Variants in CNTN6 observed in about 807,000 individuals in gnomAD.
CNTN6 encodes contactin 6.
CNTN6 carries 137 observed loss-of-function variants against 122.8 expected under a neutral mutation model. The observed-to-expected ratio is 1.12, with a 90% CI of 0.97 to 1.29. The LOEUF is 1.29. Among genes scored for constraint, CNTN6 ranks in the 50% most tolerant of loss-of-function variants. The probability of loss-of-function intolerance (pLI) is 0.00; values close to 1 mark genes in which losing one functional copy is unlikely to be tolerated. For missense variants in CNTN6, 1,634 were observed against 1,223.4 expected (o/e 1.34, Z -5.01); for synonymous variants, 570 against 426.0 (o/e 1.34, Z -4.16).
intron 1 of CNTN6, among the ~76,000 whole-genome samples, chr3:1,126,521 A>G (rs1315800773): frequency 6.6e-6 from 1 of 151,846 alleles, no homozygotes; most frequent in Non-Finnish European, 1.5e-5. Context: ...CTTCATACTT[A>G]TCACAATCTT....
At chr3:1,390,177 A>G (rs1281436368) in intron 20 of CNTN6, among the ~76,000 whole-genome samples, 1 of 151,902 alleles carries the variant, frequency 6.6e-6, no homozygotes, top group Non-Finnish European at 1.5e-5. Flanking sequence ...TCTCCTCAGC[A>G]AATGTAAAAG....
chr3:1,265,708 G>C (rs2094916099), intron 4 of CNTN6, among the ~76,000 whole-genome samples: 2 of 152,062 alleles, frequency 1.3e-5, no homozygotes, highest in African/African-American at 4.8e-5. Flanking sequence ...GGCAAATGCA[G>C]TCAGACCACT....
chr3:1,158,087 T>C (rs2125226097), intron 2 of CNTN6, among the ~76,000 whole-genome samples: 1 of 152,338 alleles, frequency 6.6e-6, no homozygotes, highest in Admixed American at 6.5e-5. Context: ...ACTCTAGTTT[T>C]AGTTTTAGAG....
intron 4 of CNTN6, among the ~76,000 whole-genome samples, chr3:1,270,650 A>T (rs1435037307): frequency 6.6e-6 from 1 of 152,232 alleles, no homozygotes; most frequent in Non-Finnish European, 1.5e-5. Flanking sequence ...AAACTTCTTC[A>T]GAAGGATTCT....
At chr3:1,315,055 T>G (rs1699902581) in intron 7 of CNTN6, among the ~76,000 whole-genome samples, 1 of 151,982 alleles carries the variant, frequency 6.6e-6, no homozygotes, top group Admixed American at 6.6e-5. Context: ...AGGGAAATGT[T>G]GCCAGAAACG....
intron 1 of CNTN6, among the ~76,000 whole-genome samples, chr3:1,112,950 T>C (rs570472948): frequency 6.6e-6 from 1 of 152,250 alleles, no homozygotes; most frequent in South Asian, 2.1e-4. Flanking sequence ...ATGCATGCTA[T>C]TTATAGAATA....
chr3:1,240,084 G>A (rs964658337), intron 4 of CNTN6, among the ~76,000 whole-genome samples: 7 of 151,994 alleles, frequency 4.6e-5, no homozygotes, highest in Admixed American at 3.3e-4. Context: ...AAATAACATT[G>A]GAACAACACT....
intron 1 of CNTN6, among the ~76,000 whole-genome samples, chr3:1,145,445 C>T (rs2092704147): frequency 6.6e-6 from 1 of 151,252 alleles, no homozygotes; most frequent in African/African-American, 2.4e-5. Context: ...GATGGTTCCT[C>T]AAAAGAAAGT....
At chr3:1,245,004 G>A (rs1426171845) in intron 4 of CNTN6, among the ~76,000 whole-genome samples, 1 of 149,584 alleles carries the variant, frequency 6.7e-6, no homozygotes, top group African/African-American at 2.5e-5. Flanking sequence ...TACTTCTTTT[G>A]TGGATCTTCA....
intron 3 of CNTN6, among the ~76,000 whole-genome samples, chr3:1,226,849 A>C (rs1470682638): frequency 1.3e-5 from 2 of 152,328 alleles, no homozygotes; most frequent in South Asian, 4.1e-4. Context: ...ATTTTTCTAC[A>C]TGCACAACTG....
chr3:1,337,003 G>C lies in CNTN6; in HGVS notation c.1364+7068G>C, dbSNP rs572457170. 1.8e-4 allele frequency among the ~76,000 whole-genome samples: 28 copies of C among 152,152 alleles called. 1 individual carries two copies. Among genetic ancestry groups the C allele is most frequent in the Non-Finnish European group, 3.7e-4 (25 of 68,028 alleles). On this transcript the variant is annotated intron_variant, in intron 11 of 22. Coordinates refer to ENST00000446702, the MANE Select transcript of CNTN6 (RefSeq NM_001289080.2). ...GAATTCCCTGTGACAAGATAGAAGT[G>C]CTACTTATTGAGCAAGTCACTGGAT...
intron 2 of CNTN6, among the ~76,000 whole-genome samples, chr3:1,166,288 C>T (rs1216428775): frequency 1.3e-5 from 2 of 152,128 alleles, no homozygotes; most frequent in Non-Finnish European, 2.9e-5. Context: ...ATCTAGGATA[C>T]AAATCAGTTA....
chr3:1,391,207 T>C (rs1341803909), intron 20 of CNTN6, among the ~76,000 whole-genome samples: 1 of 103,264 alleles, frequency 9.7e-6, no homozygotes. Flanking sequence ...TTATCCACCA[T>C]GATCAAGTGG....
chr3:1,111,543 A>G (rs1027368278), intron 1 of CNTN6, among the ~76,000 whole-genome samples: 3 of 152,174 alleles, frequency 2.0e-5, no homozygotes, highest in Admixed American at 6.6e-5. Context: ...TTACCACCAC[A>G]TTCTTAATTC....
chr3:1,372,279 A>G lies in CNTN6; in HGVS notation c.1493-20A>G. 1 of 1,574,204 alleles carries G rather than the reference A, an allele frequency of 6.4e-7. No individual in the cohort carries two copies. Among genetic ancestry groups the G allele is most frequent in the Admixed American group, 1.9e-5 (1 of 51,480 alleles). ...GCTAGCATTTCATAAGCTTTAAAAAATAATTTTTTTTCTCAACAGAGAGAA... is the reference window on the plus strand; with the variant it reads ...GCTAGCATTTCATAAGCTTTAAAAAGTAATTTTTTTTCTCAACAGAGAGAA... On this transcript the variant is annotated intron_variant, in intron 12 of 22. Transcript: ENST00000446702.
intron 4 of CNTN6, among the ~76,000 whole-genome samples, chr3:1,259,643 T>G (rs2094812925): frequency 6.6e-6 from 1 of 152,122 alleles, no homozygotes; most frequent in Non-Finnish European, 1.5e-5. Flanking sequence ...TTACATGAGT[T>G]GAGTCTTTAA....
chr3:1,342,145 T>C (rs1703979749), intron 11 of CNTN6, among the ~76,000 whole-genome samples: 2 of 152,140 alleles, frequency 1.3e-5, no homozygotes, highest in Admixed American at 1.3e-4. Flanking sequence ...TGTTTGTTTG[T>C]TTGTGGTGGA....
chr3:1,262,008 T>A (rs1279744710), intron 4 of CNTN6, among the ~76,000 whole-genome samples: 2 of 152,102 alleles, frequency 1.3e-5, no homozygotes, highest in African/African-American at 4.8e-5. Flanking sequence ...ATGCTATCCT[T>A]CAAATAAATG....
intron 4 of CNTN6, among the ~76,000 whole-genome samples, chr3:1,260,373 TGA>T (rs1212872935): frequency 1.3e-5 from 2 of 152,014 alleles, no homozygotes; most frequent in Non-Finnish European, 2.9e-5. Context: ...TGTCTAGAGG[TGA>T]GTCTTAATAT....
Sources: allele counts gnomAD v4.1 joint callset (sites outside exome capture counted in the v4.1 genomes callset), GRCh38; gene constraint gnomAD v4.1.1; transcripts MANE v1.5; gene names NCBI Gene and HGNC (gene_info 2026-07-23, HGNC 2026-07-21).